SOX6: variants seen among roughly 807,000 people sequenced by gnomAD.
SOX6 encodes the protein transcription factor SOX-6.
SOX6 carries 11 observed loss-of-function variants against 97.8 expected under a neutral mutation model. That is an observed-to-expected ratio of 0.11 (90% CI 0.07 to 0.19). The LOEUF (loss-of-function observed/expected upper bound fraction) is 0.19. Ranked by LOEUF, SOX6 falls within the 10% of genes least tolerant of loss-of-function variation. The pLI is 1.00. For synonymous variants in SOX6, 360 were observed against 371.4 expected (o/e 0.97, Z 0.35); for missense variants, 810 against 1,039.5 (o/e 0.78, Z 3.04).
chr11:16,346,989 G>A (rs1856792030), intron 1 of SOX6, among the ~76,000 whole-genome samples: 1 of 152,082 alleles, frequency 6.6e-6, no homozygotes, highest in Non-Finnish European at 1.5e-5. Flanking sequence ...TGTTTCTAGA[G>A]TTTATATTTA....
At chr11:16,019,243 G>A (rs977196331) in intron 12 of SOX6, among the ~76,000 whole-genome samples, 1 of 152,066 alleles carries the variant, frequency 6.6e-6, no homozygotes, top group Non-Finnish European at 1.5e-5. Flanking sequence ...CACGCTGAGA[G>A]GTTTTTTGTT....
intron 3 of SOX6, among the ~76,000 whole-genome samples, chr11:16,692,410 A>C (rs1161740434): frequency 1.3e-5 from 2 of 151,898 alleles, no homozygotes; most frequent in African/African-American, 4.8e-5. Context: ...CCCCTTAGAT[A>C]TTTTTATTCT....
chr11:16,436,089 C>A (rs1437785524), intron 1 of SOX6, among the ~76,000 whole-genome samples: 2 of 152,178 alleles, frequency 1.3e-5, no homozygotes, highest in African/African-American at 4.8e-5. Context: ...AAATTCTCAA[C>A]AGAATTTGAT....
intron 3 of SOX6, among the ~76,000 whole-genome samples, chr11:16,694,437 C>T (rs906558821): frequency 2.6e-5 from 4 of 152,050 alleles, no homozygotes; most frequent in Non-Finnish European, 5.9e-5. Flanking sequence ...ACAGGAGGAT[C>T]GCTTGAGCCC....
At chr11:16,079,714 A>T (rs1848432168) in intron 9 of SOX6, among the ~76,000 whole-genome samples, 1 of 152,090 alleles carries the variant, frequency 6.6e-6, no homozygotes, top group Non-Finnish European at 1.5e-5. Context: ...TATTTTTTAA[A>T]TTAAAAAAAA....
intron 15 of SOX6, among the ~76,000 whole-genome samples, chr11:15,978,840 G>C (rs1262351436): frequency 7.9e-6 from 1 of 127,038 alleles, no homozygotes; most frequent in Non-Finnish European, 1.7e-5. Context: ...TAACATATCA[G>C]CATTATATAT....
At chr11:16,127,321 C>G (rs1032347133) in intron 6 of SOX6, among the ~76,000 whole-genome samples, 75 of 152,074 alleles carry the variant, frequency 4.9e-4, no homozygotes, top group African/African-American at 1.8e-3. Flanking sequence ...CACTCAAAAT[C>G]TATTCTTCAT....
intron 1 of SOX6, among the ~76,000 whole-genome samples, chr11:16,387,884 G>A (rs2134420309): frequency 6.6e-6 from 1 of 151,994 alleles, no homozygotes; most frequent in South Asian, 2.1e-4. Context: ...ACATGACTTT[G>A]GCAAAGATAC....
intron 9 of SOX6, among the ~76,000 whole-genome samples, chr11:16,068,408 G>A (rs994165497): frequency 1.3e-5 from 2 of 152,130 alleles, no homozygotes; most frequent in Non-Finnish European, 2.9e-5. Context: ...GGAAGGGTAG[G>A]GAGAGAGCTT....
intron 9 of SOX6, among the ~76,000 whole-genome samples, chr11:16,083,168 G>T (rs554171562): frequency 1.1e-3 from 164 of 152,142 alleles, no homozygotes; most frequent in African/African-American, 3.9e-3. Flanking sequence ...CATTTCACTC[G>T]GGGAACACAT....
intron 3 of SOX6, chr11:16,311,380 G>C (rs1855597243): frequency 1.3e-5 from 2 of 152,038 alleles, no homozygotes; most frequent in Admixed American, 1.3e-4. Context: ...CTGCAAGGCA[G>C]GTATCATTCA....
chr11:16,053,142 G>A (rs917740182), intron 10 of SOX6, among the ~76,000 whole-genome samples: 5 of 152,096 alleles, frequency 3.3e-5, no homozygotes, highest in African/African-American at 9.7e-5. Context: ...AGCCTATGAA[G>A]CTTCCTGCAT....
chr11:16,446,380 A>T (rs953481022), intron 1 of SOX6, among the ~76,000 whole-genome samples: 1 of 152,150 alleles, frequency 6.6e-6, no homozygotes, highest in Non-Finnish European at 1.5e-5. Context: ...AAGAGATCAT[A>T]AAAGCCAACT....
chr11:16,544,064 T>TA (rs955685967), intron 4 of SOX6, among the ~76,000 whole-genome samples: 8 of 152,058 alleles, frequency 5.3e-5, no homozygotes, highest in South Asian at 4.1e-4. Flanking sequence ...TAAAACATGC[T>TA]AAAAAAATGG....
At chr11:16,220,489 CGTT>C (rs1297116824) in intron 4 of SOX6, among the ~76,000 whole-genome samples, 1 of 151,906 alleles carries the variant, frequency 6.6e-6, no homozygotes, top group Non-Finnish European at 1.5e-5. Flanking sequence ...GTTGAGCAAA[CGTT>C]GGTGACATGA....
chr11:16,426,734 G>A (rs1202830501), intron 1 of SOX6, among the ~76,000 whole-genome samples: 2 of 151,502 alleles, frequency 1.3e-5, no homozygotes, highest in Non-Finnish European at 2.9e-5. Context: ...CTAAAACGGT[G>A]AAACCCCGTC....
intron 9 of SOX6, among the ~76,000 whole-genome samples, chr11:16,086,754 A>G (rs1848586769): frequency 6.6e-6 from 1 of 152,192 alleles, no homozygotes; most frequent in Non-Finnish European, 1.5e-5. Flanking sequence ...GGAATAAGAT[A>G]AGACAGTTTT....
chr11:16,214,199 G>A (rs1852304182), intron 4 of SOX6, among the ~76,000 whole-genome samples: 2 of 152,146 alleles, frequency 1.3e-5, no homozygotes, highest in Non-Finnish European at 2.9e-5. Context: ...TCAGTATTGG[G>A]CAACACAGGT....
rs529469005 is a variant in SOX6, at chr11:16,338,656, C to T, written c.237+2356G>A. Among the ~76,000 whole-genome samples, 9 of 151,904 alleles carry T rather than the reference C, an allele frequency of 5.9e-5. No individual in the cohort carries two copies. The South Asian group carries it at 1.2e-3, about 21-fold the overall frequency. The stretch of plus-strand genomic sequence containing the variant: ...CAAAATATTTTGGCTTCTAGTCATT[C>T]GGAATACACAAAGGCTCCAGTGGAA... On this transcript the variant is annotated intron_variant, in intron 2 of 15. Coordinates refer to ENST00000683767, the MANE Select transcript of SOX6 (RefSeq NM_001367873.1).
Sources: allele counts gnomAD v4.1 joint callset (sites outside exome capture counted in the v4.1 genomes callset), GRCh38; gene constraint gnomAD v4.1.1; transcripts MANE v1.5; gene names NCBI Gene and HGNC (gene_info 2026-07-23, HGNC 2026-07-21).